Variants in ADCY10 observed in about 807,000 individuals in gnomAD.
ADCY10 encodes the protein adenylate cyclase type 10.
Under a neutral mutation model 183.3 loss-of-function variants are expected in ADCY10, and 156 were observed. That is an observed-to-expected ratio of 0.85 (90% CI 0.75 to 0.97). ADCY10 has a LOEUF of 0.97. Ranked by LOEUF, ADCY10 falls within the 50% of genes least tolerant of loss-of-function variation. The pLI, the probability that ADCY10 is intolerant of heterozygous loss-of-function variation, is 0.00. For missense variants in ADCY10, 1,745 were observed against 1,934.3 expected (o/e 0.90, Z 1.84); for synonymous variants, 645 against 670.0 (o/e 0.96, Z 0.58).
rs1435768760 is a variant in ADCY10 at position 167,875,201 on chromosome 1, A to G, written c.1407-15T>C. The G allele has an allele frequency of 1.9e-6, 3 of 1,613,252 alleles. No individual in the cohort carries two copies. Among genetic ancestry groups the G allele is most frequent in the Non-Finnish European group, 2.5e-6 (3 of 1,179,288 alleles). ...TACCAAACATGCTGAAGAGAAGAAC[A>G]AAAGAACAGATGCTAGATTCAAAAC... On this transcript the variant is annotated splice_polypyrimidine_tract_variant and intron_variant, in intron 12 of 32. Coordinates refer to ENST00000367851, the MANE Select transcript of ADCY10 (RefSeq NM_018417.6).
chr1:167,892,974 T>A (rs1035212690), intron 8 of ADCY10, among the ~76,000 whole-genome samples: 1 of 152,170 alleles, frequency 6.6e-6, no homozygotes, highest in Non-Finnish European at 1.5e-5. Flanking sequence ...GATAAAAATA[T>A]CTACCAAGGA....
intron 18 of ADCY10, among the ~76,000 whole-genome samples, chr1:167,853,557 C>G (rs373509018): frequency 5.3e-5 from 8 of 152,276 alleles, no homozygotes; most frequent in African/African-American, 1.7e-4. Flanking sequence ...AGCCTTAATT[C>G]TCTGCTTTCC....
chr1:167,877,043 A>G (rs75079597), intron 12 of ADCY10, among the ~76,000 whole-genome samples: 114 of 152,164 alleles, frequency 7.5e-4, no homozygotes, highest in Non-Finnish European at 1.4e-3. Context: ...GCCAAGATCA[A>G]TTGAACCCCA....
chr1:167,812,229 C>T (rs1344419184), intron 31 of ADCY10, among the ~76,000 whole-genome samples: 2 of 152,158 alleles, frequency 1.3e-5, no homozygotes, highest in Non-Finnish European at 2.9e-5. Context: ...AAGCCCCTCC[C>T]ACTCCAGTTG....
At chr1:167,850,170 G>T (rs182410976) in intron 18 of ADCY10, among the ~76,000 whole-genome samples, 1 of 152,196 alleles carries the variant, frequency 6.6e-6, no homozygotes, top group Admixed American at 6.5e-5. Flanking sequence ...TATAACAATG[G>T]AATGTCAAGA....
intron 19 of ADCY10, 124 bp downstream of exon 19, chr1:167,848,237 T>A: frequency 1.4e-6 from 1 of 715,558 alleles, no homozygotes; most frequent in Non-Finnish European, 2.4e-6. Flanking sequence ...TTTTAGTAGA[T>A]ACGGGGTTTC....
chr1:167,902,262 A>G (rs982421274), intron 3 of ADCY10, among the ~76,000 whole-genome samples: 3 of 152,204 alleles, frequency 2.0e-5, no homozygotes, highest in Non-Finnish European at 2.9e-5. Context: ...ACCAGTTTAC[A>G]TCTATGCTCC....
chr1:167,834,186 G>A (rs1664016071), intron 23 of ADCY10, 109 bp from the exon 24 acceptor site: 2 of 802,508 alleles, frequency 2.5e-6, no homozygotes, highest in Non-Finnish European at 4.3e-6. Flanking sequence ...AGCCATTTCA[G>A]TTACCACCTC....
At chr1:167,871,734 A>G (rs1667119519) in intron 13 of ADCY10, among the ~76,000 whole-genome samples, 1 of 152,254 alleles carries the variant, frequency 6.6e-6, no homozygotes, top group African/African-American at 2.4e-5. Context: ...TAATAAAAAG[A>G]AGCTAAGTGC....
intron 9 of ADCY10, among the ~76,000 whole-genome samples, chr1:167,881,492 C>A (rs1416888487): frequency 6.6e-6 from 1 of 152,196 alleles, no homozygotes; most frequent in Non-Finnish European, 1.5e-5. Flanking sequence ...GGGGGAAACA[C>A]TGCTTCTAGG....
chr1:167,830,172 C>T (rs1430225191), intron 25 of ADCY10, among the ~76,000 whole-genome samples: 2 of 152,090 alleles, frequency 1.3e-5, no homozygotes, highest in African/African-American at 4.8e-5. Context: ...TGACTATTCC[C>T]CTAGCTGCTC....
At chr1:167,841,660 A>C (rs1340784366) in intron 21 of ADCY10, among the ~76,000 whole-genome samples, 1 of 151,838 alleles carries the variant, frequency 6.6e-6, no homozygotes, top group Non-Finnish European at 1.5e-5. Flanking sequence ...GCACCTGGCT[A>C]ATTCTTTTTT....
chr1:167,898,594 GTTT>G (rs67534872), intron 6 of ADCY10, among the ~76,000 whole-genome samples: 3 of 146,586 alleles, frequency 2.0e-5, no homozygotes, highest in African/African-American at 7.5e-5. Context: ...GCGAGACTCC[GTTT>G]TTTTTTTTTT....
At chr1:167,820,090 G>A in intron 30 of ADCY10, 3 of 1,572,206 alleles carry the variant, frequency 1.9e-6, no homozygotes, top group Non-Finnish European at 2.6e-6. Flanking sequence ...ATTTGGCTAT[G>A]GTTGTCCTGA....
chr1:167,856,398 G>T lies in ADCY10; in HGVS notation c.1938C>A (p.Ala646=), dbSNP rs1665898736. 1 of 1,613,916 alleles carries T rather than the reference G, an allele frequency of 6.2e-7. No individual in the cohort carries two copies. Among genetic ancestry groups the T allele is most frequent in the African/African-American group, 1.3e-5 (1 of 74,860 alleles). The change falls in exon 17 of 33, where the codon GCC becomes GCA. Residue 646 remains alanine, a synonymous_variant. Coordinates refer to ENST00000367851, the MANE Select transcript of ADCY10 (RefSeq NM_018417.6). ...EERIIFIIDE[A]QFVDSTSWRF... is the part of the protein sequence containing the mutation. The stretch of plus-strand genomic sequence containing the variant: ...TCCAGGAGGTCGAATCCACAAACTG[G>T]GCCTCATCAATGATAAAAATAATCC...
At chr1:167,849,286 T>C (rs1358996517) in intron 18 of ADCY10, among the ~76,000 whole-genome samples, 1 of 152,196 alleles carries the variant, frequency 6.6e-6, no homozygotes, top group African/African-American at 2.4e-5. Flanking sequence ...TTTTAAATGG[T>C]GAAGTTTGAA....
At chr1:167,852,303 C>G (rs375733615) in intron 18 of ADCY10, among the ~76,000 whole-genome samples, 2 of 151,980 alleles carry the variant, frequency 1.3e-5, no homozygotes, top group Non-Finnish European at 2.9e-5. Context: ...ATTAGCTGGG[C>G]GGTAGTGGTG....
intron 21 of ADCY10, 113 bp downstream of exon 21, chr1:167,845,450 C>A: frequency 8.9e-7 from 1 of 1,120,024 alleles, no homozygotes; most frequent in Non-Finnish European, 1.3e-6. Context: ...ATTCTTTGTG[C>A]CCAAGCCGCT....
At chr1:167,848,191 G>C (rs1327440879) in intron 19 of ADCY10, among the ~76,000 whole-genome samples, 170 bp downstream of exon 19, 1 of 151,990 alleles carries the variant, frequency 6.6e-6, no homozygotes, top group Non-Finnish European at 1.5e-5. Context: ...CGAGTAGCTG[G>C]GATTACAGGT....
Sources: gnomAD v4.1 joint callset for allele counts (sites outside exome capture counted in the v4.1 genomes callset) on GRCh38, gnomAD v4.1.1 for gene constraint, MANE v1.5 for transcripts, NCBI Gene and HGNC (gene_info 2026-07-23, HGNC 2026-07-21) for gene names.